EPHB2: variants seen among roughly 807,000 people sequenced by gnomAD.
EPHB2 encodes EPH receptor B2, also known as ephrin type-B receptor 2.
EPHB2 carries 18 observed loss-of-function variants against 96.4 expected under a neutral mutation model. The observed-to-expected ratio is 0.19, with a 90% CI of 0.13 to 0.28. The LOEUF (loss-of-function observed/expected upper bound fraction) is 0.28, where lower values mean the gene tolerates loss of function less well. Among genes scored for constraint, EPHB2 ranks in the 10% least tolerant of loss-of-function variants. The pLI is 1.00. For missense variants in EPHB2, 989 were observed against 1,355.4 expected (o/e 0.73, Z 4.25); for synonymous variants, 506 against 534.1 (o/e 0.95, Z 0.72).
Position 22,875,848 on chromosome 1 carries a change from C to T in EPHB2, c.1304-6511C>T, listed in dbSNP as rs1638820486. Among the ~76,000 whole-genome samples, 1 of 151,892 alleles carries T rather than the reference C, an allele frequency of 6.6e-6. No individual in the cohort carries two copies. The highest frequency in any genetic ancestry group is 1.5e-5 in the Non-Finnish European group (1 of 67,976). On this transcript the variant is annotated intron_variant, in intron 5 of 15. Transcript: ENST00000374630. This position sits in a 1 kb window ranked among gnomAD's most constrained non-coding sequence, Gnocchi z 4.2. ...GGAGAGGTAGTTCAGGAGGGCATCT[C>T]GGAGGAGTTGACATTTGAGCTGAGA...
In EPHB2 at chr1:22,909,085, G is replaced by T. The variant is rs1401298324; in HGVS notation, c.2416G>T (p.Ala806Ser). 1.2e-6 allele frequency: 2 copies of T among 1,614,198 alleles called. No homozygotes were observed. The highest frequency in any genetic ancestry group is 1.6e-4 in the Middle Eastern group (1 of 6,062). Residue 806 changes from alanine (A) to serine (S), a missense_variant, in exon 13 of 16, where the codon GCC becomes TCC. Coordinates refer to ENST00000374630, the MANE Select transcript of EPHB2 (RefSeq NM_017449.5). ...EAIQYRKFTSASDVWSYGIVM... is the reference protein window; with the variant it reads ...EAIQYRKFTSSSDVWSYGIVM... ...CATCCAGTACCGGAAGTTCACCTCG[G>T]CCAGTGATGTGTGGAGCTACGGCAT...
At chr1:22,861,757 C>T (rs941786560) in intron 3 of EPHB2, among the ~76,000 whole-genome samples, 4 of 152,222 alleles carry the variant, frequency 2.6e-5, no homozygotes, top group Admixed American at 2.6e-4. Context: ...AAGACTTGGA[C>T]TGGGAAGATA....
In EPHB2 at chr1:22,863,091, G is replaced by A. The variant is rs1638330638; in HGVS notation, c.866G>A (p.Cys289Tyr). ...CAAGGGGATGAGGCCTGTACCCACT[G>A]TCCCATCAACAGCCGGACCACTTCT... is the stretch of plus-strand genomic sequence containing the variant. ...ANQGDEACTH[C>Y]PINSRTTSEG... Residue 289 changes from cysteine to tyrosine, a missense_variant, in exon 4 of 16, where the codon TGT (cysteine) becomes TAT (tyrosine). Transcript: ENST00000374630. 1.2e-6 allele frequency: 2 copies of A among 1,614,074 alleles called. No homozygotes were observed. The highest frequency in any genetic ancestry group is 1.7e-6 in the Non-Finnish European group (2 of 1,180,044).
At chr1:22,827,517 G>A (rs1038813532) in intron 3 of EPHB2, among the ~76,000 whole-genome samples, 1 of 152,216 alleles carries the variant, frequency 6.6e-6, no homozygotes, top group Non-Finnish European at 1.5e-5. Context: ...CATGCAACCT[G>A]ACTGCTAACC....
intron 1 of EPHB2, among the ~76,000 whole-genome samples, chr1:22,737,748 T>G (rs907381077): frequency 6.6e-6 from 1 of 152,154 alleles, no homozygotes; most frequent in Non-Finnish European, 1.5e-5. Flanking sequence ...TAGCACAGAG[T>G]CTGTTACCAA....
chr1:22,759,257 C>T (rs946384814), intron 1 of EPHB2, among the ~76,000 whole-genome samples: 9 of 152,108 alleles, frequency 5.9e-5, no homozygotes, highest in Non-Finnish European at 1.0e-4. Context: ...CCTCACTGAA[C>T]CCTAGTTATC....
Position 22,907,878 on chromosome 1 carries a change from C to A in EPHB2, c.2137-75C>A, listed in dbSNP as rs1471547989. On this transcript the variant is annotated intron_variant, in intron 11 of 15. Transcript: ENST00000374630. ...GGCTGGCAGGGCCCTGCTCTGGTTT[C>A]CCATTATGAGGATGATGCAGAGCTC... 5.1e-6 allele frequency: 8 copies of A among 1,567,438 alleles called. No homozygotes were observed. In the African/African-American group the frequency reaches 1.1e-4, roughly 21 times the overall value.
chr1:22,746,869 AC>A (rs76511653), intron 1 of EPHB2, among the ~76,000 whole-genome samples: 3,724 of 151,782 alleles, frequency 0.025, 136 homozygotes, highest in East Asian at 0.14. Context: ...CTGACCTGTG[AC>A]CCCCCGGGGG....
chr1:22,905,518 C>CT lies in EPHB2; in HGVS notation c.1766-467dup, dbSNP rs1570464388. 2.0e-5 allele frequency among the ~76,000 whole-genome samples: 3 copies of CT among 152,272 alleles called. No homozygotes were observed. In the East Asian group the frequency reaches 5.8e-4, roughly 29 times the overall value. Reference sequence around the variant, plus strand: ...CCTGGAGAGACAAGGAGGAGCTCTCCTTAGCAGAACCCCAAAGACAACACG... The same window carrying CT: ...CCTGGAGAGACAAGGAGGAGCTCTCCTTTAGCAGAACCCCAAAGACAACACG... On this transcript the variant is annotated intron_variant, in intron 9 of 15. Transcript: ENST00000374630.
rs57503593 is a variant in EPHB2 at position 22,901,820 on chromosome 1, A to AGT, written c.1766-4142_1766-4141dup. Among the ~76,000 whole-genome samples the AGT allele has an allele frequency of 6.4e-3, 951 of 148,520 alleles. 9 individuals are homozygous for AGT. The highest frequency in any genetic ancestry group is 0.014 in the Middle Eastern group (4 of 288). ...ATTTAACTTCGTGTGTGTGTGTGTG[A>AGT]GTGTGTGTGTGTGTGTGTGTGTGTG... On this transcript the variant is annotated intron_variant, in intron 9 of 15. Coordinates refer to ENST00000374630, the MANE Select transcript of EPHB2 (RefSeq NM_017449.5).
rs1461430751 is a variant in EPHB2, at chr1:22,906,151, T to A, written c.1888+42T>A. ...CTCACATGTACTATGACCTTAGCCATGGCTGGTGAGACCACCCCAATGTAT... is the reference window on the plus strand; with the variant it reads ...CTCACATGTACTATGACCTTAGCCAAGGCTGGTGAGACCACCCCAATGTAT... On this transcript the variant is annotated intron_variant, in intron 10 of 15. Coordinates refer to ENST00000374630, the MANE Select transcript of EPHB2 (RefSeq NM_017449.5). This position sits in a 1 kb window ranked among gnomAD's most constrained non-coding sequence, Gnocchi z 4.8. 1 of 1,613,948 alleles carries A rather than the reference T, an allele frequency of 6.2e-7. No homozygotes were observed. Among genetic ancestry groups the A allele is most frequent in the African/African-American group, 1.3e-5 (1 of 75,032 alleles).
intron 3 of EPHB2, among the ~76,000 whole-genome samples, chr1:22,809,679 T>A (rs1220619968): frequency 6.6e-6 from 1 of 152,170 alleles, no homozygotes; most frequent in Non-Finnish European, 1.5e-5. Context: ...CCCAGGACTG[T>A]CTAACTCTAA....
rs534948680 is a variant in EPHB2, at chr1:22,853,402, G to A, written c.812-9635G>A. 3.9e-5 allele frequency among the ~76,000 whole-genome samples: 6 copies of A among 152,334 alleles called. No homozygotes were observed. The South Asian group carries it at 8.3e-4, about 21-fold the overall frequency. ...ACTGGGGCTGGTGCCAGACCTCGGG[G>A]TTACCCACCATCACTGTCACTGTGC... On this transcript the variant is annotated intron_variant, in intron 3 of 15. Transcript: ENST00000374630.
chr1:22,885,396 C>G (rs1335750104), intron 6 of EPHB2, among the ~76,000 whole-genome samples: 1 of 152,244 alleles, frequency 6.6e-6, no homozygotes, highest in Admixed American at 6.5e-5. Context: ...GGAGGCAGCT[C>G]TGCCCTACTT....
At chr1:22,803,006 T>C (rs777925087) in intron 3 of EPHB2, among the ~76,000 whole-genome samples, 1 of 151,902 alleles carries the variant, frequency 6.6e-6, no homozygotes, top group Non-Finnish European at 1.5e-5. Flanking sequence ...GACTAGGATG[T>C]GGGGATGGGA....
At chr1:22,756,638 A>T (rs1644156080) in intron 1 of EPHB2, among the ~76,000 whole-genome samples, 1 of 151,802 alleles carries the variant, frequency 6.6e-6, no homozygotes, top group Non-Finnish European at 1.5e-5. Flanking sequence ...GAGCTGGAGG[A>T]TGCTCTCCAG....
rs1640370847 is a variant in EPHB2, at chr1:22,920,486, G to C, written c.*6916G>C. 1.3e-5 allele frequency: 2 copies of C among 153,160 alleles called. No individual in the cohort carries two copies. The highest frequency in any genetic ancestry group is 1.3e-4 in the Admixed American group (2 of 15,288). 9.5% of individuals were successfully genotyped at this position (153,160 alleles called of 1,614,324 possible). On this transcript the variant is annotated 3_prime_UTR_variant, in exon 16 of 16. Transcript: ENST00000374630. ...CAGGTGCCTTCCCTCTGACATTTGG[G>C]ACATAGCTTCCATGGCCACACAGCC...
At chr1:22,800,727 C>T (rs1288179789) in intron 3 of EPHB2, among the ~76,000 whole-genome samples, 6 of 151,438 alleles carry the variant, frequency 4.0e-5, no homozygotes, top group East Asian at 2.0e-4. Flanking sequence ...TGTGTGTGCA[C>T]GCACATGGCT....
chr1:22,882,766 A>C, intron 6 of EPHB2: 1 of 393,470 alleles, frequency 2.5e-6, no homozygotes, highest in Non-Finnish European at 4.9e-6. Context: ...TTTCCCTACC[A>C]CGACCCTTTC....
Sources: allele counts gnomAD v4.1 joint callset (sites outside exome capture counted in the v4.1 genomes callset), GRCh38; gene constraint gnomAD v4.1.1; non-coding constraint Gnocchi (gnomAD v3.1); transcripts MANE v1.5; gene names NCBI Gene and HGNC (gene_info 2026-07-23, HGNC 2026-07-21).